The following NOXRED1 variants were observed in gnomAD, a reference collection of about 807,000 sequenced individuals.
NOXRED1 encodes NADP dependent oxidoreductase domain containing 1.
In NOXRED1, 20 loss-of-function variants were observed where a neutral mutation model predicts 30.4. The ratio of observed to expected loss-of-function variants is 0.66; its 90% confidence interval spans 0.46 to 0.96. NOXRED1 has a LOEUF of 0.96. Among genes scored for constraint, NOXRED1 ranks in the 40% least tolerant of loss-of-function variants. The pLI is 0.00. For missense variants in NOXRED1, 374 were observed against 428.0 expected, an observed-to-expected ratio of 0.87 and a Z score of 1.11; for synonymous variants, 155 against 168.0, an observed-to-expected ratio of 0.92 and a Z score of 0.60.
chr14:77,413,965 C>T lies in NOXRED1; in HGVS notation c.318G>A (p.Leu106=), dbSNP rs150937652. The change falls in exon 2 of 6, where the codon CTG becomes CTA. Residue 106 remains leucine (L), a synonymous_variant. Coordinates refer to ENST00000380835, the MANE Select transcript of NOXRED1 (RefSeq NM_001113475.3). ...LQLGPIPAES[L]RISTRRPETL... is the part of the protein sequence containing the mutation. ...TCTCTGGCCTCCGAGTGGAGATCCG[C>T]AGGCTTTCAGCAGGGATGGGGCCAA... 382 of 1,601,476 alleles carry T rather than the reference C, an allele frequency of 2.4e-4. No homozygotes were observed. Among genetic ancestry groups the T allele is most frequent in the Middle Eastern group, 1.8e-4 (1 of 5,658 alleles).
chr14:77,423,987 T>C (rs1321428667), upstream of NOXRED1, among the ~76,000 whole-genome samples: 1 of 152,148 alleles, frequency 6.6e-6, no homozygotes, highest in Non-Finnish European at 1.5e-5. Context: ...TTACTCCCTA[T>C]CCCTCCCCAC....
upstream of NOXRED1, among the ~76,000 whole-genome samples, chr14:77,424,376 T>C (rs1484385939): frequency 6.6e-6 from 1 of 152,132 alleles, no homozygotes; most frequent in Non-Finnish European, 1.5e-5. Flanking sequence ...GGCAGGAGAA[T>C]TGCTTGAACC....
chr14:77,422,736 TCA>T lies in NOXRED1; in HGVS notation c.152_153del (p.Leu51Ter). On this transcript the variant is annotated frameshift_variant and splice_region_variant, in exon 1 of 6. Coordinates refer to ENST00000380835, the MANE Select transcript of NOXRED1 (RefSeq NM_001113475.3). LOFTEE classifies it high-confidence loss of function. The part of the protein sequence containing the change: ...ATFFCKLLYN[L>X]RASLNKNQSS... The stretch of plus-strand genomic sequence containing the variant: ...CCTGAATTTGGATACTCGGCTTACC[TCA>T]AATTATATAATAGTTTGCAGAAGAA... 6.2e-7 allele frequency: 1 copy of T among 1,613,842 alleles called. No individual in the cohort carries two copies. Among genetic ancestry groups the T allele is most frequent in the African/African-American group, 1.3e-5 (1 of 75,030 alleles).
intron 1 of NOXRED1, among the ~76,000 whole-genome samples, chr14:77,420,161 C>G (rs1006578274): frequency 5.9e-5 from 9 of 152,036 alleles, no homozygotes; most frequent in Non-Finnish European, 1.3e-4. Context: ...CTTCACTTTT[C>G]TTTTCTTTTT....
At chr14:77,405,799 A>T in intron 5 of NOXRED1, 114 bp downstream of exon 5, 1 of 656,592 alleles carries the variant, frequency 1.5e-6, no homozygotes. Context: ...CTTTACAAAA[A>T]GGTATAATTT....
Position 77,407,512 on chromosome 14 carries a change from C to G in NOXRED1, c.483G>C (p.Glu161Asp). Residue 161 changes from glutamate to aspartate, a missense_variant, in exon 3 of 6, where the codon GAG (glutamate) becomes GAC (aspartate). Glu to Asp is a conservative substitution (Grantham distance 45). Coordinates refer to ENST00000380835, the MANE Select transcript of NOXRED1 (RefSeq NM_001113475.3). ...CAAAGCTGTACACAATGCTGGCCTT[C>G]TCAAGGCTGGTGTAAATTTCTACGC... ...NICVEIYTSLEKASIVYSFVA... is the reference protein window; with the variant it reads ...NICVEIYTSLDKASIVYSFVA... 1 of 1,614,144 alleles carries G rather than the reference C, an allele frequency of 6.2e-7. No individual in the cohort carries two copies. Among genetic ancestry groups the G allele is most frequent in the Non-Finnish European group, 8.5e-7 (1 of 1,179,984 alleles).
intron 5 of NOXRED1, among the ~76,000 whole-genome samples, chr14:77,398,697 G>A (rs1044021848): frequency 1.3e-5 from 2 of 152,198 alleles, no homozygotes; most frequent in Non-Finnish European, 2.9e-5. Flanking sequence ...CAGGCCGGGT[G>A]CGATGGCTCA....
intron 2 of NOXRED1, among the ~76,000 whole-genome samples, chr14:77,409,886 C>G (rs1317386957): frequency 6.6e-6 from 1 of 151,116 alleles, no homozygotes; most frequent in African/African-American, 2.4e-5. Context: ...TGGCTCACTG[C>G]AACTTCTGCC....
chr14:77,410,256 C>A (rs1894614100), intron 2 of NOXRED1, among the ~76,000 whole-genome samples: 1 of 151,958 alleles, frequency 6.6e-6, no homozygotes, highest in South Asian at 2.1e-4. Context: ...ATTAGAGTGA[C>A]ACCCTGTCTC....
intron 1 of NOXRED1, among the ~76,000 whole-genome samples, chr14:77,420,946 T>C (rs1894978604): frequency 6.6e-6 from 1 of 152,226 alleles, no homozygotes. Flanking sequence ...TTGGTATCTA[T>C]CTGCAGTACT....
intron 1 of NOXRED1, among the ~76,000 whole-genome samples, chr14:77,417,949 A>T (rs1894875537): frequency 6.8e-6 from 1 of 146,632 alleles, no homozygotes; most frequent in African/African-American, 2.5e-5. Context: ...CTTTGTAGTT[A>T]CCGTAGGAAA....
chr14:77,406,049 G>C lies in NOXRED1; in HGVS notation c.769C>G (p.Gln257Glu). Residue 257 changes from glutamine (Q) to glutamate (E), a missense_variant, in exon 5 of 6, where the codon CAA (glutamine) becomes GAA (glutamate). By Grantham distance (29) the Gln-to-Glu change is conservative. Transcript: ENST00000380835. ...ICTARNMAHS[Q>E]VLQLLSELFL... is the part of the protein sequence containing the mutation. ...AGTTCACTCAGAAGCTGCAGCACTT[G>C]GGAGTGGGCCATGTTTCTTGCTGTG... 6.2e-7 allele frequency: 1 copy of C among 1,613,756 alleles called. No homozygotes were observed. The highest frequency in any genetic ancestry group is 8.5e-7 in the Non-Finnish European group (1 of 1,179,698).
At position 77,394,778 on chromosome 14, in the gene NOXRED1, A is replaced by G; in HGVS notation, c.933T>C (p.Ala311=). 1 of 1,613,838 alleles carries G rather than the reference A, an allele frequency of 6.2e-7. No individual in the cohort carries two copies. The highest frequency in any genetic ancestry group is 8.5e-7 in the Non-Finnish European group (1 of 1,179,722). Residue 311 remains alanine (A), a synonymous_variant, in exon 6 of 6, where the codon GCT becomes GCC. Coordinates refer to ENST00000380835, the MANE Select transcript of NOXRED1 (RefSeq NM_001113475.3). ...ERPFPWFDLT[A]VQLKETPFSQ... is the part of the protein sequence containing the mutation. Reference sequence around the variant, plus strand: ...TAAACGGAGTTTCCTTGAGTTGCACAGCAGTCAGATCAAACCAGGGGAAAG... The same window carrying G: ...TAAACGGAGTTTCCTTGAGTTGCACGGCAGTCAGATCAAACCAGGGGAAAG...
chr14:77,415,048 C>T lies in NOXRED1; in HGVS notation c.156-921G>A, dbSNP rs1172969585. Among the ~76,000 whole-genome samples the T allele has an allele frequency of 4.6e-5, 7 of 151,942 alleles. No homozygotes were observed. The East Asian group carries it at 1.4e-3, about 30-fold the overall frequency. On this transcript the variant is annotated intron_variant, in intron 1 of 5. Transcript: ENST00000380835. ...AGAATTAGCCAGGTATGGTGGTGCA[C>T]ACCTGTAGTCCCAGCTACCCAGGAG...
chr14:77,406,941 G>A, intron 3 of NOXRED1, 66 bp from the exon 4 acceptor site: 1 of 1,442,996 alleles, frequency 6.9e-7, no homozygotes, highest in South Asian at 1.2e-5. Flanking sequence ...ATAACCCACT[G>A]TGTTTACATC....
intron 3 of NOXRED1, among the ~76,000 whole-genome samples, 162 bp from the exon 4 acceptor site, chr14:77,407,037 T>G (rs899238390): frequency 6.6e-6 from 1 of 152,214 alleles, no homozygotes; most frequent in Non-Finnish European, 1.5e-5. Context: ...ACTGGACTGT[T>G]CATCCACCTA....
At position 77,422,761 on chromosome 14, in the gene NOXRED1, G is replaced by A; in HGVS notation, c.129C>T (p.Phe43=). 1 of 1,614,132 alleles carries A rather than the reference G, an allele frequency of 6.2e-7. No individual in the cohort carries two copies. The highest frequency in any genetic ancestry group is 8.5e-7 in the Non-Finnish European group (1 of 1,180,014). The change falls in exon 1 of 6, where the codon TTC becomes TTT. Residue 43 remains phenylalanine, a synonymous_variant. Coordinates refer to ENST00000380835, the MANE Select transcript of NOXRED1 (RefSeq NM_001113475.3). ...TCAAATTATATAATAGTTTGCAGAA[G>A]AAGGTTGCATGGGCACAAGCCTCGA... ...LMIEACAHAT[F]FCKLLYNLRA... is the part of the protein sequence containing the mutation.
chr14:77,401,881 A>G (rs79904236), intron 5 of NOXRED1, among the ~76,000 whole-genome samples: 3,999 of 152,334 alleles, frequency 0.026, 179 homozygotes, highest in African/African-American at 0.092. Flanking sequence ...ATAGACCCGC[A>G]TAAATATAGT....
chr14:77,419,890 T>C (rs1331487762), intron 1 of NOXRED1, among the ~76,000 whole-genome samples: 1 of 152,220 alleles, frequency 6.6e-6, no homozygotes, highest in Non-Finnish European at 1.5e-5. Flanking sequence ...TCTTTGCAGC[T>C]TTCAGTATTC....
Sources: gnomAD v4.1 joint callset for allele counts (sites outside exome capture counted in the v4.1 genomes callset) on GRCh38, gnomAD v4.1.1 for gene constraint, MANE v1.5 for transcripts, NCBI Gene and HGNC (gene_info 2026-07-23, HGNC 2026-07-21) for gene names.